Variants in TTC39A observed in about 807,000 individuals in gnomAD.
The protein encoded by TTC39A is tetratricopeptide repeat protein 39A.
In TTC39A, 46 loss-of-function variants were observed where a neutral mutation model predicts 82.3. The observed-to-expected ratio is 0.56, with a 90% CI of 0.44 to 0.71. The LOEUF is 0.71. Ranked by LOEUF, TTC39A falls within the 30% of genes least tolerant of loss-of-function variation. The pLI is 0.00. For missense variants in TTC39A, 543 were observed against 712.9 expected, an observed-to-expected ratio of 0.76 and a Z score of 2.71; for synonymous variants, 254 against 275.2, an observed-to-expected ratio of 0.92 and a Z score of 0.76.
At chr1:51,312,464 G>A (rs993855402) in intron 3 of TTC39A, among the ~76,000 whole-genome samples, 3 of 152,168 alleles carry the variant, frequency 2.0e-5, no homozygotes, top group African/African-American at 4.8e-5. Flanking sequence ...TGGTCAACCC[G>A]CTTCCTGGCC....
chr1:51,330,762 C>T (rs1260309415), upstream of TTC39A: 7 of 464,700 alleles, frequency 1.5e-5, no homozygotes, highest in Non-Finnish European at 2.2e-5. The surrounding 1 kb of genome is among the most constrained non-coding windows in gnomAD (Gnocchi z 4.5). Flanking sequence ...TGCGCAGACA[C>T]CGCCCGGGCC....
intron 5 of TTC39A, 27 bp downstream of exon 5, chr1:51,311,227 C>T (rs745727925): frequency 6.4e-7 from 1 of 1,556,918 alleles, no homozygotes; most frequent in Non-Finnish European, 8.7e-7. Context: ...GAAATCCCAG[C>T]CTCTTTGTAC....
At chr1:51,302,939 C>T in intron 9 of TTC39A, 145 bp downstream of exon 9, 1 of 746,416 alleles carries the variant, frequency 1.3e-6, no homozygotes, top group South Asian at 1.8e-5. Context: ...CAGGCCAGTC[C>T]CCAGGACAGT....
rs781530408 is a variant in TTC39A at position 51,312,880 on chromosome 1, C to T, written c.210G>A (p.Met70Ile). The T allele has an allele frequency of 1.9e-6, 3 of 1,613,950 alleles. No individual in the cohort carries two copies. Among genetic ancestry groups the T allele is most frequent in the Non-Finnish European group, 2.5e-6 (3 of 1,179,850 alleles). ...GCAGGATGTCCTGAGGGTCAAAGGT[C>T]ATCATGGCCTGCATCTCCAGGATGG... ...YATILEMQAM[M>I]TFDPQDILLA... The change falls in exon 3 of 18, where the codon ATG becomes ATA. Residue 70 changes from methionine to isoleucine, a missense_variant. Met to Ile is a conservative substitution (Grantham distance 10, BLOSUM62 1). Coordinates refer to ENST00000680483, the MANE Select transcript of TTC39A (RefSeq NM_001297663.2).
Position 51,288,725 on chromosome 1 carries a change from G to T in TTC39A, c.1610+114C>A. On this transcript the variant is annotated intron_variant, in intron 17 of 17. Transcript: ENST00000680483. The surrounding 1 kb of genome is among the most constrained non-coding windows in gnomAD (Gnocchi z 4.8). ...CACAGGTCCACCCTCTAGACTGCCA[G>T]ACTGGCCTTGCTAGCAACTCCACTC... 2 of 945,992 alleles carry T rather than the reference G, an allele frequency of 2.1e-6. No homozygotes were observed. The highest frequency in any genetic ancestry group is 3.2e-6 in the Non-Finnish European group (2 of 615,654). 58.6% of individuals were successfully genotyped at this position (945,992 alleles called of 1,614,324 possible). A position where few individuals can be genotyped will look rare whatever the true frequency, so the allele number is the denominator to read the frequency against.
chr1:51,310,888 A>T (rs1645056507), intron 5 of TTC39A, among the ~76,000 whole-genome samples: 1 of 152,262 alleles, frequency 6.6e-6, no homozygotes, highest in Non-Finnish European at 1.5e-5. Flanking sequence ...TACCGTGTGC[A>T]AAAAGTCTGG....
upstream of TTC39A, among the ~76,000 whole-genome samples, chr1:51,334,418 G>A (rs144484350): frequency 3.3e-5 from 5 of 152,042 alleles, no homozygotes; most frequent in South Asian, 4.1e-4. Flanking sequence ...CAGAAGAATC[G>A]CTTGAACCCG....
Position 51,294,098 on chromosome 1 carries a change from T to C in TTC39A, c.1266+293A>G, listed in dbSNP as rs1417511929. ...ACTGGAGCAGACAGGCTGGGATCAC[T>C]GGCAGCCGGGTGATGCCGCTGCCTG... is the stretch of plus-strand genomic sequence containing the variant. On this transcript the variant is annotated intron_variant, in intron 14 of 17. Transcript: ENST00000680483. The surrounding 1 kb of genome is among the most constrained non-coding windows in gnomAD (Gnocchi z 4.3). 6.6e-6 allele frequency among the ~76,000 whole-genome samples: 1 copy of C among 152,228 alleles called. No individual in the cohort carries two copies. The highest frequency in any genetic ancestry group is 1.5e-5 in the Non-Finnish European group (1 of 68,032).
chr1:51,288,944 ATCT>A lies in TTC39A; in HGVS notation c.1502_1504del (p.Lys501del), dbSNP rs1426139362. 1.2e-6 allele frequency: 2 copies of A among 1,603,054 alleles called. No individual in the cohort carries two copies. The highest frequency in any genetic ancestry group is 1.7e-6 in the Non-Finnish European group (2 of 1,174,752). On this transcript the variant is annotated inframe_deletion, in exon 17 of 18. Transcript: ENST00000680483. This position sits in a 1 kb window ranked among gnomAD's most constrained non-coding sequence, Gnocchi z 4.8. ...TGGGATCAAGTAGTGGTCATATTTA[ATCT>A]TCTTTTCACTGCAGAACAGAGGACA...
chr1:51,313,058 G>T, intron 2 of TTC39A, 115 bp from the exon 3 acceptor site: 1 of 1,416,580 alleles, frequency 7.1e-7, no homozygotes. Context: ...GGGACCAGAG[G>T]TCCAGGCACG....
intron 9 of TTC39A, 131 bp from the exon 10 acceptor site, chr1:51,302,704 C>T (rs1336893012): frequency 3.0e-6 from 3 of 994,130 alleles, no homozygotes; most frequent in African/African-American, 1.6e-5. Context: ...TTCTCCCTGT[C>T]CCTAGGGTGA....
At chr1:51,291,628 CAAA>C (rs58825279) in intron 14 of TTC39A, among the ~76,000 whole-genome samples, 8 of 49,954 alleles carry the variant, frequency 1.6e-4, no homozygotes, top group East Asian at 6.0e-4. Context: ...CCATCTCCAC[CAAA>C]AAAAAAAAAA....
chr1:51,289,106 T>A (rs1300871260), intron 16 of TTC39A, among the ~76,000 whole-genome samples, 151 bp from the exon 17 acceptor site: 1 of 152,156 alleles, frequency 6.6e-6, no homozygotes, highest in East Asian at 1.9e-4. Context: ...TCCCATCCTG[T>A]ACCTTGGGCT....
chr1:51,296,939 C>T (rs1474017861), intron 12 of TTC39A: 1 of 152,668 alleles, frequency 6.6e-6, no homozygotes, highest in East Asian at 1.9e-4. Context: ...CACACCACGC[C>T]CCTTCCTCAG....
chr1:51,330,683 G>C (rs1032425839), upstream of TTC39A: 365 of 938,266 alleles, frequency 3.9e-4, 2 homozygotes, highest in African/African-American at 6.1e-3. This position sits in a 1 kb window ranked among gnomAD's most constrained non-coding sequence, Gnocchi z 4.5. Flanking sequence ...GGCGACCCGC[G>C]CTCCCGCACC....
At chr1:51,331,376 C>G, upstream of TTC39A, 2 of 1,475,302 alleles carry the variant, frequency 1.4e-6, no homozygotes, top group South Asian at 2.7e-5. Context: ...AAGAGTTAAC[C>G]AGTCACCATC....
rs576472660 is a variant in TTC39A, at chr1:51,289,065, C to T, written c.1494-110G>A. On this transcript the variant is annotated intron_variant, in intron 16 of 17. Coordinates refer to ENST00000680483, the MANE Select transcript of TTC39A (RefSeq NM_001297663.2). ...TTTTGGGAGGTTCCCACTACCCAGCCCTAGAAAGGCTGGGATCCATAGCAA... is the reference window on the plus strand; with the variant it reads ...TTTTGGGAGGTTCCCACTACCCAGCTCTAGAAAGGCTGGGATCCATAGCAA... 1.3e-5 allele frequency: 12 copies of T among 935,392 alleles called. No homozygotes were observed. In the South Asian group the frequency reaches 1.9e-4, roughly 15 times the overall value. The allele number at this position is 935,392 out of a possible 1,614,324, so 57.9% of individuals were successfully genotyped here. A position where few individuals can be genotyped will look rare whatever the true frequency, so the allele number is the denominator to read the frequency against.
chr1:51,302,248 C>CCCCCCCCCCCCCCCT, intron 11 of TTC39A, 109 bp downstream of exon 11: 1 of 574,812 alleles, frequency 1.7e-6, no homozygotes, highest in Non-Finnish European at 3.4e-6. Flanking sequence ...TGGCCCCCCC[C>CCCCCCCCCCCCCCCT]CCGCCCCCAG....
chr1:51,302,334 C>T (rs564322734), intron 11 of TTC39A, 23 bp downstream of exon 11: 30 of 1,587,254 alleles, frequency 1.9e-5, no homozygotes, highest in East Asian at 1.2e-4. Flanking sequence ...TCCCCAGCCC[C>T]GGCCCGGACC....
Sources: allele counts gnomAD v4.1 joint callset (sites outside exome capture counted in the v4.1 genomes callset), GRCh38; gene constraint gnomAD v4.1.1; non-coding constraint Gnocchi (gnomAD v3.1); transcripts MANE v1.5; gene names NCBI Gene and HGNC (gene_info 2026-07-23, HGNC 2026-07-21).